PLB1: variants seen among roughly 807,000 people sequenced by gnomAD.
The protein encoded by PLB1 is phospholipase B1.
A neutral mutation model predicts 227.4 loss-of-function variants in PLB1; 242 were observed. That is an observed-to-expected ratio of 1.06 (90% CI 0.96 to 1.18). PLB1 has a LOEUF of 1.18. Ranked by LOEUF, PLB1 falls within the 50% of genes most tolerant of loss-of-function variation. The probability of loss-of-function intolerance (pLI) is 0.00; values close to 1 mark genes in which losing one functional copy is unlikely to be tolerated. For missense variants in PLB1, 1,858 were observed against 1,816.3 expected, an observed-to-expected ratio of 1.02 and a Z score of -0.42; for synonymous variants, 757 against 682.2, an observed-to-expected ratio of 1.11 and a Z score of -1.71.
At chr2:28,634,159 G>A (rs1274344110) in intron 56 of PLB1, among the ~76,000 whole-genome samples, 1 of 152,100 alleles carries the variant, frequency 6.6e-6, no homozygotes, top group Non-Finnish European at 1.5e-5. Context: ...TTGTCAGGGG[G>A]TTTTCCTCCT....
At chr2:28,497,209 G>A (rs1480656052) in intron 1 of PLB1, among the ~76,000 whole-genome samples, 1 of 152,162 alleles carries the variant, frequency 6.6e-6, no homozygotes, top group Admixed American at 6.5e-5. Flanking sequence ...CTCTTTGGAG[G>A]TTACATATAT....
chr2:28,613,949 G>A (rs1191932739), intron 43 of PLB1, 82 bp from the exon 44 acceptor site: 2 of 1,077,040 alleles, frequency 1.9e-6, no homozygotes, highest in Non-Finnish European at 2.9e-6. Context: ...AAATCTACAG[G>A]GCAGGATTGT....
intron 33 of PLB1, among the ~76,000 whole-genome samples, chr2:28,597,067 T>G (rs1683052564): frequency 6.6e-6 from 1 of 151,984 alleles, no homozygotes; most frequent in Admixed American, 6.6e-5. Context: ...ATCGAGACCA[T>G]CCTGGCTAAC....
rs749700295 is a variant in PLB1, at chr2:28,624,839, G to A, written c.3528-218G>A. 5.9e-5 allele frequency among the ~76,000 whole-genome samples: 9 copies of A among 152,302 alleles called. No individual in the cohort carries two copies. In the Middle Eastern group the frequency reaches 0.014, roughly 230 times the overall value. On this transcript the variant is annotated intron_variant, in intron 49 of 57. Coordinates refer to ENST00000327757, the MANE Select transcript of PLB1 (RefSeq NM_153021.5). ...TGACGGGATCCCAACCCGAGTGGCC[G>A]ATGAGACTATTGGGTGGCAGGGGCT...
intron 36 of PLB1, 140 bp from the exon 37 acceptor site, chr2:28,601,112 A>G: frequency 1.3e-6 from 1 of 785,704 alleles, no homozygotes; most frequent in Non-Finnish European, 2.1e-6. Context: ...TAAACCTCTA[A>G]AATTCCTTCA....
intron 33 of PLB1, chr2:28,594,686 A>G (rs142197892): frequency 2.6e-5 from 4 of 152,646 alleles, no homozygotes; most frequent in African/African-American, 9.6e-5. Context: ...TGTACCACCC[A>G]CAACGAGGAC....
intron 56 of PLB1, among the ~76,000 whole-genome samples, chr2:28,640,404 G>T (rs569763379): frequency 6.6e-5 from 10 of 152,282 alleles, no homozygotes; most frequent in African/African-American, 2.4e-4. Flanking sequence ...ACAAAGTGGC[G>T]CAAGTGAGAA....
chr2:28,592,563 T>G (rs1474535721), intron 31 of PLB1, 98 bp from the exon 32 acceptor site: 2 of 1,222,474 alleles, frequency 1.6e-6, no homozygotes, highest in Non-Finnish European at 2.4e-6. Context: ...CCAGTGCTCA[T>G]GCAGATTGTG....
chr2:28,642,720 G>T, intron 57 of PLB1, 138 bp from the exon 58 acceptor site: 1 of 743,922 alleles, frequency 1.3e-6, no homozygotes, highest in Non-Finnish European at 2.2e-6. Context: ...CTAAATGAGG[G>T]AGCTTTACAA....
In PLB1 at chr2:28,614,050, C is replaced by T. The variant is rs757920569; in HGVS notation, c.3149C>T (p.Thr1050Ile). The part of the protein sequence containing the change: ...CPTQNEPFLR[T>I]PRNSNYTYPI... ...TCTTAGAATGAGCCCTTCCTGAGAA[C>T]CCCTCGGAATAGTAACTACACGTAC... The change falls in exon 44 of 58, where the codon ACC (threonine) becomes ATC (isoleucine). Residue 1050 changes from threonine to isoleucine, a missense_variant. Transcript: ENST00000327757. 1.2e-5 allele frequency: 20 copies of T among 1,612,716 alleles called. No homozygotes were observed. Among genetic ancestry groups the T allele is most frequent in the Admixed American group, 6.7e-5 (4 of 59,968 alleles).
intron 51 of PLB1, among the ~76,000 whole-genome samples, chr2:28,627,573 A>C (rs1687978018): frequency 6.6e-6 from 1 of 152,202 alleles, no homozygotes; most frequent in South Asian, 2.1e-4. Flanking sequence ...CCTCTCCTCT[A>C]TTTTAACTCT....
chr2:28,522,894 G>T (rs1333729162), intron 4 of PLB1, among the ~76,000 whole-genome samples: 3 of 152,152 alleles, frequency 2.0e-5, no homozygotes, highest in Non-Finnish European at 1.5e-5. Context: ...CTTACCTGGG[G>T]TGTGTATTTT....
intron 44 of PLB1, among the ~76,000 whole-genome samples, chr2:28,614,694 G>T (rs1283532748): frequency 1.3e-5 from 2 of 152,206 alleles, no homozygotes; most frequent in Non-Finnish European, 2.9e-5. Context: ...TCCGGATCAG[G>T]TCTGTTGGTC....
chr2:28,504,226 C>CTT (rs1443233219), intron 1 of PLB1, among the ~76,000 whole-genome samples: 1 of 152,216 alleles, frequency 6.6e-6, no homozygotes, highest in Non-Finnish European at 1.5e-5. Context: ...ATCTTCTTGT[C>CTT]TTTCTACACT....
intron 18 of PLB1, among the ~76,000 whole-genome samples, chr2:28,565,020 G>C (rs1676647083): frequency 6.6e-6 from 1 of 152,198 alleles, no homozygotes; most frequent in Non-Finnish European, 1.5e-5. Flanking sequence ...TGCTGGACGA[G>C]TTTTACTTGG....
At chr2:28,582,228 C>A in intron 24 of PLB1, 95 bp downstream of exon 24, 1 of 1,430,130 alleles carries the variant, frequency 7.0e-7, no homozygotes. Context: ...GGCAGGTCAC[C>A]TTTGTTGTGG....
chr2:28,520,586 C>T (rs964515274), intron 4 of PLB1, among the ~76,000 whole-genome samples: 7 of 152,166 alleles, frequency 4.6e-5, no homozygotes, highest in Non-Finnish European at 1.0e-4. Flanking sequence ...AACACTCTAC[C>T]CATGAAATAA....
At position 28,543,443 on chromosome 2, in the gene PLB1, CTT is replaced by C. The variant is rs537358330; in HGVS notation, c.936+177_936+178del. 2.0e-5 allele frequency among the ~76,000 whole-genome samples: 3 copies of C among 152,336 alleles called. No individual in the cohort carries two copies. The South Asian group carries it at 6.2e-4, about 32-fold the overall frequency. On this transcript the variant is annotated intron_variant, in intron 14 of 57. Coordinates refer to ENST00000327757, the MANE Select transcript of PLB1 (RefSeq NM_153021.5). ...GACGCCCCTCTCTGACTGCCTGAGACTTTGCCTCGCCACAGGTTCTGCGCTGC... is the reference window on the plus strand; with the variant it reads ...GACGCCCCTCTCTGACTGCCTGAGACTGCCTCGCCACAGGTTCTGCGCTGC...
At chr2:28,534,937 C>A (rs1254079479) in intron 9 of PLB1, among the ~76,000 whole-genome samples, 1 of 152,112 alleles carries the variant, frequency 6.6e-6, no homozygotes, top group African/African-American at 2.4e-5. Flanking sequence ...TCTTTAGGTG[C>A]GCACATTTTG....
Sources: gnomAD v4.1 joint callset for allele counts (sites outside exome capture counted in the v4.1 genomes callset) on GRCh38, gnomAD v4.1.1 for gene constraint, MANE v1.5 for transcripts, NCBI Gene and HGNC (gene_info 2026-07-23, HGNC 2026-07-21) for gene names.